DSP: variants seen among roughly 807,000 people sequenced by gnomAD.
The protein encoded by DSP is desmoplakin.
A neutral mutation model predicts 290.6 loss-of-function variants in DSP; 114 were observed. That is an observed-to-expected ratio of 0.39 (90% CI 0.34 to 0.46). The LOEUF (loss-of-function observed/expected upper bound fraction) is 0.46. Ranked by LOEUF, DSP falls within the 20% of genes least tolerant of loss-of-function variation. The probability of loss-of-function intolerance (pLI) is 0.99; values close to 1 mark genes in which losing one functional copy is unlikely to be tolerated. For synonymous variants in DSP, 1,311 were observed against 1,316.4 expected, an observed-to-expected ratio of 1.00 and a Z score of 0.09; for missense variants, 3,230 against 3,495.8, an observed-to-expected ratio of 0.92 and a Z score of 1.92.
At chr6:7,564,501 G>A (rs1000350779) in intron 6 of DSP, among the ~76,000 whole-genome samples, 9 of 152,142 alleles carry the variant, frequency 5.9e-5, no homozygotes, top group African/African-American at 2.2e-4. Context: ...GGAGAAGGTA[G>A]GAAAAGCTTG....
At chr6:7,572,791 C>T (rs541792786) in intron 15 of DSP, among the ~76,000 whole-genome samples, 1 of 152,124 alleles carries the variant, frequency 6.6e-6, no homozygotes, top group Non-Finnish European at 1.5e-5. Flanking sequence ...GCGATTTTGT[C>T]ATGCAAGCGC....
chr6:7,576,552 T>C (rs1759247344), intron 19 of DSP, 96 bp downstream of exon 19: 41 of 1,487,788 alleles, frequency 2.8e-5, no homozygotes, highest in Non-Finnish European at 3.6e-5. Context: ...AGGTTTGAAA[T>C]GATGAATATT....
chr6:7,585,109 C>T lies in DSP; in HGVS notation c.7847C>T (p.Ser2616Leu), dbSNP rs571577908. The T allele has an allele frequency of 1.5e-5, 24 of 1,614,130 alleles. No individual in the cohort carries two copies. The highest frequency in any genetic ancestry group is 2.2e-5 in the East Asian group (1 of 44,886). Residue 2616 changes from serine to leucine, a missense_variant, in exon 24 of 24, where the codon TCG (serine) becomes TTG (leucine). Ser to Leu is a moderately radical substitution (Grantham distance 145, BLOSUM62 -2). Around this residue, in one of 5 missense-constraint regions of DSP, gnomAD observed 582 missense variants for 555.4 expected, o/e 1.05. Transcript: ENST00000379802. ...SSSFSDTLEE[S>L]SPIAAIFDTE... is the part of the protein sequence containing the mutation. ...TCTTTTTCAGACACCCTGGAAGAAT[C>T]GAGCCCCATTGCAGCCATCTTTGAC... is the stretch of plus-strand genomic sequence containing the variant.
intron 4 of DSP, among the ~76,000 whole-genome samples, chr6:7,560,289 T>C (rs896623367): frequency 6.6e-6 from 1 of 152,228 alleles, no homozygotes; most frequent in African/African-American, 2.4e-5. Context: ...CTCAACTCCT[T>C]TAAAATTTTT....
chr6:7,586,619 T>C lies in DSP; in HGVS notation c.*741T>C, dbSNP rs1759684259. The C allele has an allele frequency of 6.6e-6, 1 of 152,258 alleles. No homozygotes were observed. The highest frequency in any genetic ancestry group is 2.1e-4 in the South Asian group (1 of 4,836). 9.4% of individuals were successfully genotyped at this position (152,258 alleles called of 1,614,324 possible). A position where few individuals can be genotyped will look rare whatever the true frequency, so the allele number is the denominator to read the frequency against. On this transcript the variant is annotated 3_prime_UTR_variant, in exon 24 of 24. Transcript: ENST00000379802. ...ATATGTTTATAAGCATGTATAAACA[T>C]TTAGCATATTTTTATCATAGGTCTA... is the stretch of plus-strand genomic sequence containing the variant.
intron 11 of DSP, 98 bp downstream of exon 11, chr6:7,568,687 C>T: frequency 7.7e-7 from 1 of 1,301,902 alleles, no homozygotes; most frequent in South Asian, 1.2e-5. Context: ...GTTCAATAAT[C>T]ACCACAGTCA....
In DSP at chr6:7,584,359, G is replaced by A. The variant is rs387906618; in HGVS notation, c.7097G>A (p.Arg2366His). 5 of 1,614,106 alleles carry A rather than the reference G, an allele frequency of 3.1e-6. No homozygotes were observed. Among genetic ancestry groups the A allele is most frequent in the Admixed American group, 1.7e-5 (1 of 60,016 alleles). ...CTCATCGAAAAGGGCCACGGTATTC[G>A]CTTATTAGAAGCACAGATCGCAACC... Reference protein sequence around the residue: ...KELIEKGHGIRLLEAQIATGG... With the variant: ...KELIEKGHGIHLLEAQIATGG... Residue 2366 changes from arginine (R) to histidine (H), a missense_variant, in exon 24 of 24, where the codon CGC (arginine) becomes CAC (histidine). Arg to His is a conservative substitution (Grantham distance 29, BLOSUM62 0). Around this residue, in one of 5 missense-constraint regions of DSP, gnomAD observed 207 missense variants for 281.2 expected, o/e 0.74. Coordinates refer to ENST00000379802, the MANE Select transcript of DSP (RefSeq NM_004415.4). The surrounding 1 kb of genome is among the most constrained non-coding windows in gnomAD (Gnocchi z 6.4).
intron 20 of DSP, among the ~76,000 whole-genome samples, chr6:7,577,424 G>C (rs965762977): frequency 6.6e-6 from 1 of 152,098 alleles, no homozygotes; most frequent in African/African-American, 2.4e-5. Flanking sequence ...TGCCTCCTGG[G>C]TTCAAGTGAT....
At position 7,562,647 on chromosome 6, in the gene DSP, C is replaced by T. The variant is rs765653540; in HGVS notation, c.598-5C>T. The T allele has an allele frequency of 3.3e-5, 54 of 1,613,896 alleles. No homozygotes were observed. The highest frequency in any genetic ancestry group is 2.5e-4 in the Admixed American group (15 of 59,986). Reference sequence around the variant, plus strand: ...AGGGCGCCTCTCTTTGTCTTTGTGTCGCAGGCGGAGATGGACATGGTGGCC... The same window carrying T: ...AGGGCGCCTCTCTTTGTCTTTGTGTTGCAGGCGGAGATGGACATGGTGGCC... On this transcript the variant is annotated splice_polypyrimidine_tract_variant and splice_region_variant and intron_variant, in intron 4 of 23. Transcript: ENST00000379802.
intron 10 of DSP, 136 bp from the exon 11 acceptor site, chr6:7,568,301 A>C (rs546161965): frequency 1.9e-5 from 19 of 1,010,492 alleles, no homozygotes; most frequent in Non-Finnish European, 2.6e-5. Flanking sequence ...CCTGCCGACG[A>C]ATTTGTGATT....
At chr6:7,573,972 T>G in intron 15 of DSP, 114 bp from the exon 16 acceptor site, 1 of 1,115,548 alleles carries the variant, frequency 9.0e-7, no homozygotes, top group Middle Eastern at 2.7e-4. Context: ...ACTTACCTGA[T>G]GTAATCATTT....
At position 7,585,313 on chromosome 6, in the gene DSP, T is replaced by C. The variant is rs1554109139; in HGVS notation, c.8051T>C (p.Met2684Thr). ...TCCCAGGGTGTGATTGACCAAGACATGGCCACCAGGCTGAAGCCTGCTCAG... is the reference window on the plus strand; with the variant it reads ...TCCCAGGGTGTGATTGACCAAGACACGGCCACCAGGCTGAAGCCTGCTCAG... The part of the protein sequence containing the change: ...AVSQGVIDQD[M>T]ATRLKPAQKA... Residue 2684 changes from methionine to threonine, a missense_variant, in exon 24 of 24, where the codon ATG (methionine) becomes ACG (threonine). Coordinates refer to ENST00000379802, the MANE Select transcript of DSP (RefSeq NM_004415.4). 1 of 1,614,096 alleles carries C rather than the reference T, an allele frequency of 6.2e-7. No homozygotes were observed. The highest frequency in any genetic ancestry group is 8.5e-7 in the Non-Finnish European group (1 of 1,180,030).
chr6:7,571,237 C>A, intron 13 of DSP, 146 bp from the exon 14 acceptor site: 1 of 813,110 alleles, frequency 1.2e-6, no homozygotes, highest in Non-Finnish European at 2.1e-6. Flanking sequence ...ATGTCTAAAA[C>A]CTAAAAGACC....
chr6:7,568,301 A>ATCT, intron 10 of DSP, 136 bp from the exon 11 acceptor site: 1 of 1,010,608 alleles, frequency 9.9e-7, no homozygotes, highest in Non-Finnish European at 1.5e-6. Flanking sequence ...CCTGCCGACG[A>ATCT]ATTTGTGATT....
chr6:7,579,216 T>C lies in DSP; in HGVS notation c.3085-59T>C. ...TGGTCTGGGAGGGGAAAAGTACTGC[T>C]TCTTTCTTGGAATGTGAGGTGTTTT... On this transcript the variant is annotated intron_variant, in intron 22 of 23. Transcript: ENST00000379802. This position sits in a 1 kb window ranked among gnomAD's most constrained non-coding sequence, Gnocchi z 4.1. The C allele has an allele frequency of 6.2e-7, 1 of 1,600,622 alleles. No homozygotes were observed. Among genetic ancestry groups the C allele is most frequent in the Non-Finnish European group, 8.5e-7 (1 of 1,173,010 alleles).
intron 20 of DSP, 72 bp downstream of exon 20, chr6:7,577,114 T>C: frequency 7.9e-7 from 1 of 1,261,892 alleles, no homozygotes; most frequent in East Asian, 2.4e-5. Context: ...GCTGATTTGT[T>C]GTAAAGCGTA....
intron 4 of DSP, among the ~76,000 whole-genome samples, chr6:7,561,163 A>T (rs1758677547): frequency 6.6e-6 from 1 of 152,186 alleles, no homozygotes; most frequent in Non-Finnish European, 1.5e-5. Flanking sequence ...CATATTGGTC[A>T]GGCTGATCTC....
At chr6:7,569,902 G>A (rs1036166755) in intron 12 of DSP, among the ~76,000 whole-genome samples, 13 of 151,916 alleles carry the variant, frequency 8.6e-5, no homozygotes, top group Admixed American at 6.6e-5. Context: ...GCACTTCAAA[G>A]GCATCATTTT....
At chr6:7,551,910 G>GTA (rs1231170091) in intron 1 of DSP, among the ~76,000 whole-genome samples, 1 of 152,164 alleles carries the variant, frequency 6.6e-6, no homozygotes. Context: ...CATTCACAAG[G>GTA]TATATACCTA....
Sources: gnomAD v4.1 joint callset for allele counts (sites outside exome capture counted in the v4.1 genomes callset) on GRCh38, gnomAD v4.1.1 for gene constraint, gnomAD v4.1.1 regional missense constraint, Gnocchi (gnomAD v3.1) non-coding constraint, MANE v1.5 for transcripts, NCBI Gene and HGNC (gene_info 2026-07-23, HGNC 2026-07-21) for gene names.